The following MYBPC2 variants were observed in gnomAD, a reference collection of about 807,000 sequenced individuals.
MYBPC2 encodes the protein myosin binding protein C2, also known as myosin-binding protein C, fast-type.
A neutral mutation model predicts 137.0 loss-of-function variants in MYBPC2; 122 were observed. That is an observed-to-expected ratio of 0.89 (90% CI 0.77 to 1.03). The LOEUF is 1.03. Among genes scored for constraint, MYBPC2 ranks in the 50% least tolerant of loss-of-function variants. The pLI is 0.00. For missense variants in MYBPC2, 1,500 were observed against 1,534.4 expected, an observed-to-expected ratio of 0.98 and a Z score of 0.37; for synonymous variants, 626 against 612.3, an observed-to-expected ratio of 1.02 and a Z score of -0.33.
At chr19:50,441,123 C>G (rs961621031) in intron 8 of MYBPC2, 47 bp downstream of exon 8, 10 of 1,498,298 alleles carry the variant, frequency 6.7e-6, no homozygotes, top group Non-Finnish European at 8.9e-6. Flanking sequence ...CAAGGGACCC[C>G]TAGCCTTGTG....
intron 26 of MYBPC2, among the ~76,000 whole-genome samples, chr19:50,463,602 G>C (rs2039989103): frequency 6.6e-6 from 1 of 152,088 alleles, no homozygotes; most frequent in Non-Finnish European, 1.5e-5. Context: ...TGTATGTTGG[G>C]GGAGACTGAC....
At chr19:50,437,613 G>C in intron 6 of MYBPC2, 46 bp from the exon 7 acceptor site, 2 of 1,593,420 alleles carry the variant, frequency 1.3e-6, no homozygotes, top group Non-Finnish European at 1.7e-6. Context: ...AAGGCAAGGG[G>C]TGAATCTGAA....
In MYBPC2 at chr19:50,465,063, C is replaced by T. The variant is rs1480133993; in HGVS notation, c.3415+531C>T. 1.3e-5 allele frequency among the ~76,000 whole-genome samples: 2 copies of T among 152,190 alleles called. No homozygotes were observed. The highest frequency in any genetic ancestry group is 3.9e-4 in the East Asian group (2 of 5,140). On this transcript the variant is annotated intron_variant, in intron 27 of 27. Coordinates refer to ENST00000357701, the MANE Select transcript of MYBPC2 (RefSeq NM_004533.4). This position sits in a 1 kb window ranked among gnomAD's most constrained non-coding sequence, Gnocchi z 4.5. Reference sequence around the variant, plus strand: ...TTCCATTTCCAGCCGCCTCCGTCTCCAGTCTCTCCCTCCTGCCAGCCACTT... The same window carrying T: ...TTCCATTTCCAGCCGCCTCCGTCTCTAGTCTCTCCCTCCTGCCAGCCACTT...
In MYBPC2 at chr19:50,435,255, G is replaced by C; in HGVS notation, c.109+5G>C. On this transcript the variant is annotated splice_donor_5th_base_variant and intron_variant, in intron 2 of 27. Transcript: ENST00000357701. The surrounding 1 kb of genome is among the most constrained non-coding windows in gnomAD (Gnocchi z 4.8). ...CTCCTGCAGAGGCCCCCAAAGGTGA[G>C]GAGGTGCTCCCTCGGGCTCAACCGA... The C allele has an allele frequency of 8.2e-7, 1 of 1,225,930 alleles. No homozygotes were observed. The highest frequency in any genetic ancestry group is 1.9e-4 in the Middle Eastern group (1 of 5,278). The allele number at this position is 1,225,930 out of a possible 1,614,324, so 75.9% of individuals were successfully genotyped here. A position where few individuals can be genotyped will look rare whatever the true frequency, so the allele number is the denominator to read the frequency against.
intron 7 of MYBPC2, among the ~76,000 whole-genome samples, chr19:50,439,094 C>T (rs949478989): frequency 1.3e-5 from 2 of 151,134 alleles, no homozygotes; most frequent in African/African-American, 4.9e-5. Flanking sequence ...ATCCACTCAC[C>T]CACCTGTCTT....
intron 14 of MYBPC2, 110 bp downstream of exon 14, chr19:50,451,045 C>T (rs1446691833): frequency 1.4e-5 from 15 of 1,085,336 alleles, no homozygotes; most frequent in African/African-American, 3.1e-5. Context: ...CGAATGAGGA[C>T]GACAGCAAGC....
At chr19:50,460,592 A>C (rs529181355) in intron 24 of MYBPC2, among the ~76,000 whole-genome samples, 7 of 152,296 alleles carry the variant, frequency 4.6e-5, no homozygotes, top group African/African-American at 1.7e-4. Flanking sequence ...ATACACATGG[A>C]ATCCTAGCTA....
At position 50,438,364 on chromosome 19, in the gene MYBPC2, C is replaced by T. The variant is rs144373329; in HGVS notation, c.572+646C>T. Reference sequence around the variant, plus strand: ...CAGGTGGGAAGGTGGGTGGATGGTACGGATGAATGCATGGTGGAGAGGTGG... The same window carrying T: ...CAGGTGGGAAGGTGGGTGGATGGTATGGATGAATGCATGGTGGAGAGGTGG... On this transcript the variant is annotated intron_variant, in intron 7 of 27. Coordinates refer to ENST00000357701, the MANE Select transcript of MYBPC2 (RefSeq NM_004533.4). 3.9e-3 allele frequency among the ~76,000 whole-genome samples: 597 copies of T among 151,976 alleles called. 5 individuals carry two copies. Among genetic ancestry groups the T allele is most frequent in the African/African-American group, 0.014 (571 of 41,428 alleles).
intron 7 of MYBPC2, among the ~76,000 whole-genome samples, chr19:50,438,831 A>C (rs1251515123): frequency 1.3e-5 from 2 of 152,056 alleles, no homozygotes; most frequent in Non-Finnish European, 2.9e-5. Context: ...GCGCCACTGC[A>C]CTCCAGTCTG....
At chr19:50,449,285 C>T (rs959003641) in intron 13 of MYBPC2, among the ~76,000 whole-genome samples, 2 of 152,182 alleles carry the variant, frequency 1.3e-5, no homozygotes, top group Non-Finnish European at 2.9e-5. Context: ...TCTGTGGTGG[C>T]AGGACCTGGA....
At chr19:50,445,724 G>A (rs750937825) in intron 11 of MYBPC2, among the ~76,000 whole-genome samples, 156 bp from the exon 12 acceptor site, 5 of 151,988 alleles carry the variant, frequency 3.3e-5, no homozygotes, top group Non-Finnish European at 5.9e-5. Context: ...CCTGTGACCC[G>A]TCCACCACTC....
rs564333279 is a variant in MYBPC2, at chr19:50,462,190, AT to A, written c.3228+168del. On this transcript the variant is annotated intron_variant, in intron 26 of 27. Coordinates refer to ENST00000357701, the MANE Select transcript of MYBPC2 (RefSeq NM_004533.4). ...AAAAAATTTTTTTAATTGATTTTTG[AT>A]TTTTTTTTTTTTTGAGACAGGGTCT... 5.0e-3 allele frequency among the ~76,000 whole-genome samples: 724 copies of A among 143,904 alleles called. 4 individuals carry two copies. The highest frequency in any genetic ancestry group is 0.01 in the African/African-American group (403 of 39,470). 94.4% of individuals were successfully genotyped at this position (143,904 alleles called of 152,430 possible).
At chr19:50,464,301 A>G (rs1227558936) in intron 26 of MYBPC2, 45 bp from the exon 27 acceptor site, 2 of 1,530,712 alleles carry the variant, frequency 1.3e-6, no homozygotes, top group East Asian at 2.4e-5. Flanking sequence ...ATCATTGCCC[A>G]GGGTCTCTCT....
At position 50,461,660 on chromosome 19, in the gene MYBPC2, C is replaced by T; in HGVS notation, c.3050C>T (p.Ser1017Leu). Residue 1017 changes from serine (S) to leucine (L), a missense_variant, in exon 25 of 28, where the codon TCA (serine) becomes TTA (leucine). Transcript: ENST00000357701. ...YTENICGLSD[S>L]PGVSKNTARI... ...GAGAACATCTGTGGGCTCAGTGACTCACCTGGTGTCTCCAAGAACACGGCC... is the reference window on the plus strand; with the variant it reads ...GAGAACATCTGTGGGCTCAGTGACTTACCTGGTGTCTCCAAGAACACGGCC... 6.2e-7 allele frequency: 1 copy of T among 1,613,434 alleles called. No homozygotes were observed. The highest frequency in any genetic ancestry group is 8.5e-7 in the Non-Finnish European group (1 of 1,179,790).
At chr19:50,450,961 T>C (rs1239665393) in intron 14 of MYBPC2, 26 bp downstream of exon 14, 2 of 1,545,448 alleles carry the variant, frequency 1.3e-6, no homozygotes, top group Middle Eastern at 1.7e-4. Flanking sequence ...CCTCCTTCCC[T>C]GGGGGCTGTA....
Position 50,442,229 on chromosome 19 carries a change from A to T in MYBPC2, c.818A>T (p.Lys273Met). The change falls in exon 9 of 28, where the codon AAG becomes ATG. Residue 273 changes from lysine to methionine, a missense_variant. Lys to Met is a moderately conservative substitution (Grantham distance 95). Transcript: ENST00000357701. ...DPAYQVDRGN[K>M]IKLMVEISDP... Reference sequence around the variant, plus strand: ...GCCTACCAAGTGGACAGAGGCAACAAGATCAAGTTGATGGTAGAGATCAGC... The same window carrying T: ...GCCTACCAAGTGGACAGAGGCAACATGATCAAGTTGATGGTAGAGATCAGC... 1 of 1,603,686 alleles carries T rather than the reference A, an allele frequency of 6.2e-7. No individual in the cohort carries two copies. Among genetic ancestry groups the T allele is most frequent in the Non-Finnish European group, 8.5e-7 (1 of 1,175,256 alleles).
rs752980637 is a variant in MYBPC2 at position 50,436,002 on chromosome 19, C to A, written c.197-10C>A. 2.5e-6 allele frequency: 4 copies of A among 1,573,100 alleles called. No individual in the cohort carries two copies. Among genetic ancestry groups the A allele is most frequent in the Non-Finnish European group, 3.5e-6 (4 of 1,158,930 alleles). ...TCCTCCCACTCTACCCTGTCACTCA[C>A]CCCATGTAGGGAAGGACGCAGTGGT... On this transcript the variant is annotated splice_polypyrimidine_tract_variant and intron_variant, in intron 3 of 27. Transcript: ENST00000357701.
intron 8 of MYBPC2, 81 bp from the exon 9 acceptor site, chr19:50,442,100 A>T: frequency 6.7e-7 from 1 of 1,493,318 alleles, no homozygotes; most frequent in Non-Finnish European, 9.0e-7. Flanking sequence ...GGGCCTGGGG[A>T]GGGAGATGTG....
At position 50,435,218 on chromosome 19, in the gene MYBPC2, C is replaced by CT; in HGVS notation, c.77_78insT (p.Lys28Ter). 2 of 1,331,290 alleles carry CT rather than the reference C, an allele frequency of 1.5e-6. No individual in the cohort carries two copies. The highest frequency in any genetic ancestry group is 2.1e-6 in the Non-Finnish European group (2 of 930,396). 82.5% of individuals were successfully genotyped at this position (1,331,290 alleles called of 1,614,324 possible). A position where few individuals can be genotyped will look rare whatever the true frequency, so the allele number is the denominator to read the frequency against. ...CCCAAAGGAGCCCCCAAGGAGGCTC[C>CT]CCCTAAGGAGGCTCCTGCAGAGGCC... On this transcript the variant is annotated frameshift_variant, in exon 2 of 28. Coordinates refer to ENST00000357701, the MANE Select transcript of MYBPC2 (RefSeq NM_004533.4). LOFTEE classifies it high-confidence loss of function. This position sits in a 1 kb window ranked among gnomAD's most constrained non-coding sequence, Gnocchi z 4.8.
Sources: allele counts gnomAD v4.1 joint callset (sites outside exome capture counted in the v4.1 genomes callset), GRCh38; gene constraint gnomAD v4.1.1; non-coding constraint Gnocchi (gnomAD v3.1); transcripts MANE v1.5; gene names NCBI Gene and HGNC (gene_info 2026-07-23, HGNC 2026-07-21).